The following KASH5 variants were observed in gnomAD, a reference collection of about 807,000 sequenced individuals.
KASH5 encodes protein KASH5.
In KASH5, 72 loss-of-function variants were observed where a neutral mutation model predicts 84.2. The ratio of observed to expected loss-of-function variants is 0.85; its 90% CI spans 0.71 to 1.04. The LOEUF (loss-of-function observed/expected upper bound fraction) is 1.04. Ranked by LOEUF, KASH5 falls within the 50% of genes least tolerant of loss-of-function variation. The pLI is 0.00. For missense variants in KASH5, 650 were observed against 701.0 expected, an observed-to-expected ratio of 0.93 and a Z score of 0.82; for synonymous variants, 260 against 279.1, an observed-to-expected ratio of 0.93 and a Z score of 0.68.
At position 49,395,171 on chromosome 19, in the gene KASH5, G is replaced by A. The variant is rs780054959; in HGVS notation, c.214G>A (p.Ala72Thr). ...TGTGACAGGCCAGGGCCCCCAGGAT[G>A]CACGCCTCCAAACATTGGCCAACAG... ...EAVTGQGPQDARLQTLANSLD... is the reference protein window; with the variant it reads ...EAVTGQGPQDTRLQTLANSLD... The change falls in exon 4 of 20, where the codon GCA becomes ACA. Residue 72 changes from alanine to threonine, a missense_variant. Coordinates refer to ENST00000447857, the MANE Select transcript of KASH5 (RefSeq NM_144688.5). The surrounding 1 kb of genome is among the most constrained non-coding windows in gnomAD (Gnocchi z 4.4). The A allele has an allele frequency of 6.2e-7, 1 of 1,613,042 alleles. No individual in the cohort carries two copies. Among genetic ancestry groups the A allele is most frequent in the Non-Finnish European group, 8.5e-7 (1 of 1,179,516 alleles).
chr19:49,412,230 A>T lies in KASH5; in HGVS notation c.1270-738A>T, dbSNP rs1974743191. Among the ~76,000 whole-genome samples the T allele has an allele frequency of 6.6e-6, 1 of 152,008 alleles. No individual in the cohort carries two copies. The highest frequency in any genetic ancestry group is 6.5e-5 in the Admixed American group (1 of 15,276). On this transcript the variant is annotated intron_variant, in intron 15 of 19. Coordinates refer to ENST00000447857, the MANE Select transcript of KASH5 (RefSeq NM_144688.5). The surrounding 1 kb of genome is among the most constrained non-coding windows in gnomAD (Gnocchi z 4.6). The stretch of plus-strand genomic sequence containing the variant: ...GAGGGACCTACTGGAGGCAGGGAGG[A>T]GGCTGGAGCAATGGTGATGAAGCCT...
intron 7 of KASH5, among the ~76,000 whole-genome samples, chr19:49,398,765 C>T (rs557022699): frequency 6.6e-6 from 1 of 152,144 alleles, no homozygotes; most frequent in Non-Finnish European, 1.5e-5. Flanking sequence ...ATCGTGGTCT[C>T]CCTGTTCTAG....
In KASH5 at chr19:49,416,993, C is replaced by A. The variant is rs773502416; in HGVS notation, c.1375-22C>A. On this transcript the variant is annotated intron_variant, in intron 17 of 19. Coordinates refer to ENST00000447857, the MANE Select transcript of KASH5 (RefSeq NM_144688.5). The surrounding 1 kb of genome is among the most constrained non-coding windows in gnomAD (Gnocchi z 5.4). ...TCAGTCCAGAACCCGGTGCCTCCAA[C>A]GCATCTCTTCTGTCCTTGCAGGCTG... 1 of 1,570,966 alleles carries A rather than the reference C, an allele frequency of 6.4e-7. No homozygotes were observed. The highest frequency in any genetic ancestry group is 8.6e-7 in the Non-Finnish European group (1 of 1,158,620).
chr19:49,388,281 T>C lies in KASH5; in HGVS notation c.-142T>C, dbSNP rs1484964609. ...CCTCCCCCAACTCAACTGCCGTTCG[T>C]CGTTCGTGGATGTCCGTTGTGTCCC... is the stretch of plus-strand genomic sequence containing the variant. On this transcript the variant is annotated 5_prime_UTR_variant, in exon 1 of 20. Coordinates refer to ENST00000447857, the MANE Select transcript of KASH5 (RefSeq NM_144688.5). 6.6e-6 allele frequency: 1 copy of C among 152,266 alleles called. No homozygotes were observed. The highest frequency in any genetic ancestry group is 1.5e-5 in the Non-Finnish European group (1 of 68,088). The allele number at this position is 152,266 out of a possible 1,614,324, so 9.4% of individuals were successfully genotyped here.
intron 5 of KASH5, among the ~76,000 whole-genome samples, chr19:49,396,287 T>C (rs1974180066): frequency 7.1e-6 from 1 of 140,096 alleles, no homozygotes; most frequent in African/African-American, 2.7e-5. Context: ...AGAGTTTCAC[T>C]CCTGTTGCCC....
Position 49,395,014 on chromosome 19 carries a change from T to G in KASH5, c.149-92T>G. 1.0e-6 allele frequency: 1 copy of G among 1,002,622 alleles called. No homozygotes were observed. The highest frequency in any genetic ancestry group is 1.4e-6 in the Non-Finnish European group (1 of 699,750). 62.1% of individuals were successfully genotyped at this position (1,002,622 alleles called of 1,614,324 possible). On this transcript the variant is annotated intron_variant, in intron 3 of 19. Coordinates refer to ENST00000447857, the MANE Select transcript of KASH5 (RefSeq NM_144688.5). The surrounding 1 kb of genome is among the most constrained non-coding windows in gnomAD (Gnocchi z 4.4). ...CCATGGAGCAGGAGTGCCACCAGCCTAGCCAGTGACATCCTGGTCCCAAGC... is the reference window on the plus strand; with the variant it reads ...CCATGGAGCAGGAGTGCCACCAGCCGAGCCAGTGACATCCTGGTCCCAAGC...
rs551872451 is a variant in KASH5, at chr19:49,415,485, G to A, written c.1374+489G>A. On this transcript the variant is annotated intron_variant, in intron 17 of 19. Transcript: ENST00000447857. ...AGATTTCCATTCTCAGGCAAGGACGGGGAAAGAAACTTGGTAAGGAGAGGT... is the reference window on the plus strand; with the variant it reads ...AGATTTCCATTCTCAGGCAAGGACGAGGAAAGAAACTTGGTAAGGAGAGGT... 48 of 212,772 alleles carry A rather than the reference G, an allele frequency of 2.3e-4. 1 individual carries two copies. Among genetic ancestry groups the A allele is most frequent in the South Asian group, 1.5e-3 (21 of 14,072 alleles). 13.2% of individuals were successfully genotyped at this position (212,772 alleles called of 1,614,324 possible).
intron 12 of KASH5, chr19:49,408,223 T>A (rs749617859): frequency 1.8e-5 from 3 of 170,740 alleles, no homozygotes; most frequent in African/African-American, 7.2e-5. Flanking sequence ...CTCCCCTCCT[T>A]ATCTTTATGT....
intron 3 of KASH5, 29 bp downstream of exon 3, chr19:49,394,609 C>G: frequency 6.4e-7 from 1 of 1,557,884 alleles, no homozygotes; most frequent in Non-Finnish European, 8.9e-7. Flanking sequence ...GTGCTGGGGA[C>G]CAGTGCGGGC....
chr19:49,399,406 G>C lies in KASH5; in HGVS notation c.748-51G>C. On this transcript the variant is annotated intron_variant, in intron 8 of 19. Coordinates refer to ENST00000447857, the MANE Select transcript of KASH5 (RefSeq NM_144688.5). The surrounding 1 kb of genome is among the most constrained non-coding windows in gnomAD (Gnocchi z 4.4). Reference sequence around the variant, plus strand: ...CAGGGGTGGGAGAAGGGCAACATGGGGGCAAGGAGGCTAGAAATGAAACCT... The same window carrying C: ...CAGGGGTGGGAGAAGGGCAACATGGCGGCAAGGAGGCTAGAAATGAAACCT... 1.3e-6 allele frequency: 2 copies of C among 1,557,076 alleles called. No homozygotes were observed. Among genetic ancestry groups the C allele is most frequent in the Non-Finnish European group, 1.8e-6 (2 of 1,140,242 alleles).
Position 49,399,385 on chromosome 19 carries a change from G to C in KASH5, c.748-72G>C. On this transcript the variant is annotated intron_variant, in intron 8 of 19. Coordinates refer to ENST00000447857, the MANE Select transcript of KASH5 (RefSeq NM_144688.5). This position sits in a 1 kb window ranked among gnomAD's most constrained non-coding sequence, Gnocchi z 4.4. ...CCCAGGCCCTGGTTGTGTTTTCAGGGGTGGGAGAAGGGCAACATGGGGGCA... is the reference window on the plus strand; with the variant it reads ...CCCAGGCCCTGGTTGTGTTTTCAGGCGTGGGAGAAGGGCAACATGGGGGCA... The C allele has an allele frequency of 1.4e-6, 2 of 1,445,004 alleles. No individual in the cohort carries two copies. Among genetic ancestry groups the C allele is most frequent in the Non-Finnish European group, 9.6e-7 (1 of 1,046,956 alleles). 89.5% of individuals were successfully genotyped at this position (1,445,004 alleles called of 1,614,324 possible). A position where few individuals can be genotyped will look rare whatever the true frequency, so the allele number is the denominator to read the frequency against.
chr19:49,398,602 C>T (rs34027012), intron 7 of KASH5, among the ~76,000 whole-genome samples: 1,792 of 152,264 alleles, frequency 0.012, 14 homozygotes, highest in South Asian at 0.02. Flanking sequence ...CTCCTGGGCT[C>T]AAGCCATCCT....
Position 49,390,936 on chromosome 19 carries a change from T to G in KASH5, c.43+10T>G, listed in dbSNP as rs767815330. 5.0e-6 allele frequency: 8 copies of G among 1,605,674 alleles called. No homozygotes were observed. The South Asian group carries it at 7.8e-5, about 16-fold the overall frequency. On this transcript the variant is annotated intron_variant, in intron 2 of 19. Coordinates refer to ENST00000447857, the MANE Select transcript of KASH5 (RefSeq NM_144688.5). ...GGCCCCACTGCGGAAAGTAAGTGGCTGGAACCCTATTTGCCCCGGGGAGGG... is the reference window on the plus strand; with the variant it reads ...GGCCCCACTGCGGAAAGTAAGTGGCGGGAACCCTATTTGCCCCGGGGAGGG...
At chr19:49,389,053 C>G (rs1973907154) in intron 1 of KASH5, among the ~76,000 whole-genome samples, 1 of 149,732 alleles carries the variant, frequency 6.7e-6, no homozygotes, top group Non-Finnish European at 1.5e-5. Flanking sequence ...AGCCAGAGAC[C>G]CCCAGAAATC....
intron 15 of KASH5, among the ~76,000 whole-genome samples, chr19:49,410,282 G>A (rs757109029): frequency 1.3e-5 from 2 of 152,168 alleles, no homozygotes; most frequent in African/African-American, 2.4e-5. Flanking sequence ...AGAAAAGCCA[G>A]CAAGCTCACT....
chr19:49,415,139 A>C, intron 17 of KASH5, 143 bp downstream of exon 17: 4 of 814,638 alleles, frequency 4.9e-6, no homozygotes, highest in Non-Finnish European at 8.1e-6. Context: ...AAGAGATAAC[A>C]AGGCCTTTGC....
intron 7 of KASH5, among the ~76,000 whole-genome samples, chr19:49,398,646 G>C (rs1974263662): frequency 6.6e-6 from 1 of 152,106 alleles, no homozygotes; most frequent in South Asian, 2.1e-4. Context: ...TGGGAGTACA[G>C]GCCTGAGCCA....
rs771002266 is a variant in KASH5, at chr19:49,399,175, CTCTCT to C, written c.747+37_747+41del. On this transcript the variant is annotated intron_variant, in intron 8 of 19. Transcript: ENST00000447857. This position sits in a 1 kb window ranked among gnomAD's most constrained non-coding sequence, Gnocchi z 4.4. ...TGGCCCAGGGGAAGGAAGGTGCCCT[CTCTCT>C]TCTTTGTTTCCTGGAGTCAGGGCGG... 3.3e-6 allele frequency: 5 copies of C among 1,511,748 alleles called. No individual in the cohort carries two copies. The highest frequency in any genetic ancestry group is 3.6e-6 in the Non-Finnish European group (4 of 1,121,218). The allele number at this position is 1,511,748 out of a possible 1,614,324, so 93.6% of individuals were successfully genotyped here. A position where few individuals can be genotyped will look rare whatever the true frequency, so the allele number is the denominator to read the frequency against.
rs35379985 is a variant in KASH5, at chr19:49,410,486, C to CTT, written c.1269+625_1269+626dup. 7.1e-3 allele frequency among the ~76,000 whole-genome samples: 972 copies of CTT among 136,038 alleles called. 10 individuals carry two copies. Among genetic ancestry groups the CTT allele is most frequent in the Non-Finnish European group, 0.011 (691 of 63,738 alleles). The allele number at this position is 136,038 out of a possible 152,430, so 89.2% of individuals were successfully genotyped here. The stretch of plus-strand genomic sequence containing the variant: ...TACAGGAACACACCACCATGACTGG[C>CTT]TTTTTTTTTTTTTTTGAGATGGAGT... On this transcript the variant is annotated intron_variant, in intron 15 of 19. Coordinates refer to ENST00000447857, the MANE Select transcript of KASH5 (RefSeq NM_144688.5).
Sources: gnomAD v4.1 joint callset for allele counts (sites outside exome capture counted in the v4.1 genomes callset) on GRCh38, gnomAD v4.1.1 for gene constraint, Gnocchi (gnomAD v3.1) non-coding constraint, MANE v1.5 for transcripts, NCBI Gene and HGNC (gene_info 2026-07-23, HGNC 2026-07-21) for gene names.